CNTN5: variants seen among roughly 807,000 people sequenced by gnomAD.
The protein encoded by CNTN5 is contactin 5.
A neutral mutation model predicts 129.1 loss-of-function variants in CNTN5; 77 were observed. The ratio of observed to expected loss-of-function variants is 0.60; its 90% CI spans 0.50 to 0.72. CNTN5 has a LOEUF of 0.72. Ranked by LOEUF, CNTN5 falls within the 30% of genes least tolerant of loss-of-function variation. The pLI is 0.00. For synonymous variants in CNTN5, 509 were observed against 465.6 expected (o/e 1.09, Z -1.20); for missense variants, 1,478 against 1,328.8 (o/e 1.11, Z -1.75).
chr11:99,627,455 A>G (rs2135787418), intron 3 of CNTN5, among the ~76,000 whole-genome samples: 1 of 93,972 alleles, frequency 1.1e-5, no homozygotes, highest in South Asian at 3.0e-4. Flanking sequence ...TATGGTTTTT[A>G]ATGTGAGAAA....
intron 1 of CNTN5, among the ~76,000 whole-genome samples, chr11:99,116,395 T>C (rs1430970680): frequency 6.6e-6 from 1 of 152,214 alleles, no homozygotes; most frequent in Non-Finnish European, 1.5e-5. Flanking sequence ...GTAGTAACTT[T>C]TCATTTTGGA....
chr11:99,853,373 A>AAT (rs973131142), intron 6 of CNTN5, among the ~76,000 whole-genome samples: 4 of 151,606 alleles, frequency 2.6e-5, no homozygotes, highest in Non-Finnish European at 5.9e-5. Context: ...GTGTATATGT[A>AAT]ATATATATAC....
intron 1 of CNTN5, among the ~76,000 whole-genome samples, chr11:99,113,242 C>T (rs1049808194): frequency 2.0e-5 from 3 of 152,018 alleles, no homozygotes; most frequent in African/African-American, 4.8e-5. Context: ...ATGATGGATA[C>T]AGGAGTTAAC....
chr11:99,280,341 A>G (rs1863637701), intron 1 of CNTN5, among the ~76,000 whole-genome samples: 1 of 151,848 alleles, frequency 6.6e-6, no homozygotes, highest in African/African-American at 2.4e-5. Flanking sequence ...GGCTTTTTCT[A>G]TCTAAATTAG....
intron 1 of CNTN5, among the ~76,000 whole-genome samples, chr11:99,066,351 G>T (rs1432028689): frequency 6.6e-6 from 1 of 152,060 alleles, no homozygotes; most frequent in Non-Finnish European, 1.5e-5. Context: ...CAGTCTGCCT[G>T]CCTTGACCTC....
At chr11:99,565,041 A>C (rs1948958005) in intron 3 of CNTN5, among the ~76,000 whole-genome samples, 1 of 152,178 alleles carries the variant, frequency 6.6e-6, no homozygotes, top group Non-Finnish European at 1.5e-5. Context: ...TATCACAATA[A>C]TATTTAGTAC....
At chr11:99,127,521 T>G (rs1236531683) in intron 1 of CNTN5, among the ~76,000 whole-genome samples, 1 of 152,130 alleles carries the variant, frequency 6.6e-6, no homozygotes, top group Non-Finnish European at 1.5e-5. Context: ...GCCACTAGGG[T>G]CAGTGCTAAC....
chr11:99,094,077 A>T (rs2135327291), intron 1 of CNTN5, among the ~76,000 whole-genome samples: 1 of 152,168 alleles, frequency 6.6e-6, no homozygotes, highest in South Asian at 2.1e-4. Context: ...TCTTTAAAGA[A>T]TTGGCTTCAA....
intron 3 of CNTN5, among the ~76,000 whole-genome samples, chr11:99,789,015 T>C (rs935577636): frequency 2.6e-5 from 4 of 151,738 alleles, no homozygotes; most frequent in Admixed American, 2.0e-4. Context: ...ATTGTAAAAA[T>C]CTAACATCTC....
At chr11:99,975,952 G>A (rs1029033129) in intron 8 of CNTN5, among the ~76,000 whole-genome samples, 4 of 152,114 alleles carry the variant, frequency 2.6e-5, no homozygotes, top group African/African-American at 4.8e-5. Context: ...GACAAGGCAC[G>A]TCCTTTCCAC....
At chr11:99,248,576 T>C (rs138496069) in intron 1 of CNTN5, among the ~76,000 whole-genome samples, 19,471 of 152,156 alleles carry the variant, frequency 0.13, 1,354 homozygotes, top group Middle Eastern at 0.19. Flanking sequence ...GGTTTTCTTC[T>C]AGGATTTTTA....
chr11:99,290,075 C>A (rs1308944120), intron 1 of CNTN5, among the ~76,000 whole-genome samples: 1 of 151,600 alleles, frequency 6.6e-6, no homozygotes, highest in Non-Finnish European at 1.5e-5. Context: ...TTTTTAATAC[C>A]TCCAGAACAC....
intron 3 of CNTN5, among the ~76,000 whole-genome samples, chr11:99,790,583 T>G (rs181747547): frequency 4.4e-4 from 67 of 152,090 alleles, no homozygotes; most frequent in Non-Finnish European, 4.3e-4. Flanking sequence ...TCATGGGAAT[T>G]TAGGTTGACT....
At chr11:99,286,298 T>C (rs1181096187) in intron 1 of CNTN5, among the ~76,000 whole-genome samples, 1 of 152,140 alleles carries the variant, frequency 6.6e-6, no homozygotes, top group East Asian at 1.9e-4. Context: ...ATTATTCAGA[T>C]TGCTGTTATC....
chr11:99,779,804 C>T (rs1392701482), intron 3 of CNTN5, among the ~76,000 whole-genome samples: 1 of 151,946 alleles, frequency 6.6e-6, no homozygotes, highest in Non-Finnish European at 1.5e-5. Flanking sequence ...TTGCATATAA[C>T]TAAGAAATCA....
At chr11:100,217,501 C>G (rs1035501118) in intron 15 of CNTN5, among the ~76,000 whole-genome samples, 1 of 152,062 alleles carries the variant, frequency 6.6e-6, no homozygotes, top group African/African-American at 2.4e-5. Flanking sequence ...AATTCTAGAC[C>G]TTTCCTGGTG....
intron 18 of CNTN5, among the ~76,000 whole-genome samples, chr11:100,286,273 C>T (rs1225271527): frequency 6.6e-6 from 1 of 152,226 alleles, no homozygotes; most frequent in African/African-American, 2.4e-5. Flanking sequence ...GGAGGCCAGC[C>T]TGCCTCTGTA....
At chr11:99,452,013 C>G (rs984423163) in intron 2 of CNTN5, among the ~76,000 whole-genome samples, 3 of 152,054 alleles carry the variant, frequency 2.0e-5, no homozygotes, top group African/African-American at 7.2e-5. Context: ...TCAAACTTCA[C>G]AGTAAAGTTC....
At chr11:99,246,907 A>T (rs1861840113) in intron 1 of CNTN5, among the ~76,000 whole-genome samples, 1 of 152,180 alleles carries the variant, frequency 6.6e-6, no homozygotes, top group Admixed American at 6.5e-5. Context: ...CCAAAGGATT[A>T]ATCACAAAAT....
Sources: gnomAD v4.1 joint callset for allele counts (sites outside exome capture counted in the v4.1 genomes callset) on GRCh38, gnomAD v4.1.1 for gene constraint, MANE v1.5 for transcripts, NCBI Gene and HGNC (gene_info 2026-07-23, HGNC 2026-07-21) for gene names.